Variants in EDIL3 observed in about 807,000 individuals in gnomAD.
The protein encoded by EDIL3 is EGF like and discoidin domains 3.
A neutral mutation model predicts 67.4 loss-of-function variants in EDIL3; 37 were observed. That is an observed-to-expected ratio of 0.55 (90% CI 0.42 to 0.72). EDIL3 has a LOEUF of 0.72. Among genes scored for constraint, EDIL3 ranks in the 30% least tolerant of loss-of-function variants. EDIL3 has a pLI of 0.00. For missense variants in EDIL3, 527 were observed against 586.3 expected, an observed-to-expected ratio of 0.90 and a Z score of 1.04; for synonymous variants, 195 against 196.3, an observed-to-expected ratio of 0.99 and a Z score of 0.05.
At chr5:83,971,325 T>A (rs1744788152) in intron 9 of EDIL3, among the ~76,000 whole-genome samples, 1 of 151,410 alleles carries the variant, frequency 6.6e-6, no homozygotes. Context: ...TCACCCAAGT[T>A]AGAGTGAAGT....
intron 10 of EDIL3, among the ~76,000 whole-genome samples, chr5:83,960,722 GT>G (rs1414833544): frequency 2.7e-5 from 4 of 150,840 alleles, no homozygotes; most frequent in Non-Finnish European, 4.5e-5. Context: ...ATAGCAAAAC[GT>G]TATGGCTGAT....
intron 8 of EDIL3, among the ~76,000 whole-genome samples, chr5:84,062,550 T>C (rs1362206443): frequency 6.6e-6 from 1 of 152,140 alleles, no homozygotes; most frequent in Non-Finnish European, 1.5e-5. Flanking sequence ...TATTGGTTCA[T>C]AGAATGAATG....
At chr5:84,097,311 A>G (rs1280650870) in intron 6 of EDIL3, among the ~76,000 whole-genome samples, 1 of 152,224 alleles carries the variant, frequency 6.6e-6, no homozygotes, top group African/African-American at 2.4e-5. Flanking sequence ...TTAACTTTCG[A>G]AAGAAAAATT....
At chr5:84,249,846 G>A (rs1265850195) in intron 2 of EDIL3, among the ~76,000 whole-genome samples, 1 of 152,064 alleles carries the variant, frequency 6.6e-6, no homozygotes, top group African/African-American at 2.4e-5. Flanking sequence ...TGTAATCCCA[G>A]CACTTTGGGA....
chr5:84,297,177 G>GAAAAAAAAAAAAAAAAAAA (rs61365875), intron 1 of EDIL3, among the ~76,000 whole-genome samples: 1 of 63,244 alleles, frequency 1.6e-5, no homozygotes, highest in Admixed American at 2.1e-4. Context: ...GCAAGACTCC[G>GAAAAAAAAAAAAAAAAAAA]AAAAAAAAAA....
chr5:84,186,991 G>A (rs758734209), intron 3 of EDIL3, among the ~76,000 whole-genome samples: 1 of 151,966 alleles, frequency 6.6e-6, no homozygotes, highest in Non-Finnish European at 1.5e-5. Context: ...CATAAAATTC[G>A]AAATTATCTG....
chr5:84,173,448 C>T (rs993134503), intron 4 of EDIL3, among the ~76,000 whole-genome samples: 1 of 152,126 alleles, frequency 6.6e-6, no homozygotes, highest in African/African-American at 2.4e-5. Context: ...AACTCCCCTG[C>T]ACCCACTGGA....
chr5:83,947,787 GAACA>G (rs1418350411), intron 10 of EDIL3, among the ~76,000 whole-genome samples: 1 of 151,778 alleles, frequency 6.6e-6, no homozygotes, highest in Non-Finnish European at 1.5e-5. Flanking sequence ...AATGAATATA[GAACA>G]AACTTAGCTC....
chr5:84,146,402 T>A (rs1313505568), intron 4 of EDIL3, among the ~76,000 whole-genome samples: 3 of 152,126 alleles, frequency 2.0e-5, no homozygotes, highest in Non-Finnish European at 4.4e-5. Flanking sequence ...GGAATATTAG[T>A]ACTCCCACTT....
At chr5:84,068,077 A>C (rs1746674945) in intron 6 of EDIL3, among the ~76,000 whole-genome samples, 1 of 152,192 alleles carries the variant, frequency 6.6e-6, no homozygotes, top group African/African-American at 2.4e-5. Context: ...ATATTTATCT[A>C]CATTTATCTC....
intron 1 of EDIL3, among the ~76,000 whole-genome samples, chr5:84,383,264 G>T (rs1007608230): frequency 6.6e-6 from 1 of 152,068 alleles, no homozygotes; most frequent in East Asian, 2.0e-4. Flanking sequence ...GCTCCCACTC[G>T]CCTCCCCACA....
At chr5:84,148,652 C>T (rs1349838220) in intron 4 of EDIL3, among the ~76,000 whole-genome samples, 1 of 152,064 alleles carries the variant, frequency 6.6e-6, no homozygotes, top group Non-Finnish European at 1.5e-5. Context: ...TCCAGAATCT[C>T]ATCTACAAAA....
intron 9 of EDIL3, among the ~76,000 whole-genome samples, chr5:84,044,473 G>A (rs545734410): frequency 7.2e-5 from 11 of 151,904 alleles, no homozygotes; most frequent in Admixed American, 1.3e-4. Context: ...TTTGTTATTC[G>A]GAGAGAAAGA....
intron 10 of EDIL3, among the ~76,000 whole-genome samples, chr5:83,947,580 A>T (rs1159846876): frequency 6.6e-6 from 1 of 151,804 alleles, no homozygotes; most frequent in African/African-American, 2.4e-5. Context: ...AGAATCTGAG[A>T]TCTGGAAGAG....
chr5:84,058,571 G>T (rs1440202079), intron 9 of EDIL3, among the ~76,000 whole-genome samples: 6 of 152,112 alleles, frequency 3.9e-5, no homozygotes, highest in Admixed American at 2.6e-4. Flanking sequence ...ACCAATACTT[G>T]CTAAATCAGT....
rs188469366 is a variant in EDIL3, at chr5:84,114,320, G to A, written c.470-7490C>T. On this transcript the variant is annotated intron_variant, in intron 5 of 10. Coordinates refer to ENST00000296591, the MANE Select transcript of EDIL3 (RefSeq NM_005711.5). ...TTTAAGAAAGGGTGATTCGGGAACA[G>A]GGCCTGAATATTCCAGTTCAGGTGT... Among the ~76,000 whole-genome samples the A allele has an allele frequency of 5.3e-5, 8 of 152,156 alleles. No homozygotes were observed. The East Asian group carries it at 1.4e-3, about 26-fold the overall frequency.
chr5:84,214,451 A>G (rs1297264945), intron 3 of EDIL3, among the ~76,000 whole-genome samples: 1 of 152,112 alleles, frequency 6.6e-6, no homozygotes, highest in Non-Finnish European at 1.5e-5. Flanking sequence ...ACAGAATACA[A>G]TGTAAACAGT....
At chr5:84,226,960 G>C (rs1744464299) in intron 3 of EDIL3, among the ~76,000 whole-genome samples, 2 of 151,902 alleles carry the variant, frequency 1.3e-5, no homozygotes, top group Non-Finnish European at 2.9e-5. Flanking sequence ...TACACAAGTA[G>C]CTATATTATA....
chr5:84,189,013 GGTTCCTGT>G (rs1743524498), intron 3 of EDIL3, among the ~76,000 whole-genome samples: 2 of 151,986 alleles, frequency 1.3e-5, no homozygotes, highest in South Asian at 4.1e-4. Flanking sequence ...CCCGCCTTAT[GGTTCCTGT>G]GTAGTTGTTT....
Sources: allele counts gnomAD v4.1 joint callset (sites outside exome capture counted in the v4.1 genomes callset), GRCh38; gene constraint gnomAD v4.1.1; transcripts MANE v1.5; gene names NCBI Gene and HGNC (gene_info 2026-07-23, HGNC 2026-07-21).